Variants in SPDYA observed in about 807,000 individuals in gnomAD.
SPDYA encodes the protein speedy protein A.
Under a neutral mutation model 36.7 loss-of-function variants are expected in SPDYA, and 11 were observed. That is an observed-to-expected ratio of 0.30 (90% confidence interval 0.19 to 0.50). The LOEUF is 0.50. Ranked by LOEUF, SPDYA falls within the 20% of genes least tolerant of loss-of-function variation. The pLI is 0.98. For missense variants in SPDYA, 287 were observed against 370.9 expected (o/e 0.77, Z 1.86); for synonymous variants, 115 against 118.7 (o/e 0.97, Z 0.20).
At chr2:28,839,506 T>C (rs753668185) in intron 6 of SPDYA, among the ~76,000 whole-genome samples, 6 of 152,196 alleles carry the variant, frequency 3.9e-5, no homozygotes, top group Non-Finnish European at 7.3e-5. Flanking sequence ...TTTTTATTTT[T>C]ACTTTTATTT....
chr2:28,825,745 A>AT (rs574936704), intron 5 of SPDYA, among the ~76,000 whole-genome samples: 28 of 149,368 alleles, frequency 1.9e-4, no homozygotes, highest in Middle Eastern at 3.4e-3. Flanking sequence ...GAGGTTCTTA[A>AT]TTTTTTTTTT....
intron 6 of SPDYA, among the ~76,000 whole-genome samples, chr2:28,829,869 A>C (rs1419118809): frequency 6.8e-6 from 1 of 147,436 alleles, no homozygotes; most frequent in Non-Finnish European, 1.5e-5. Flanking sequence ...GTGTGAACCC[A>C]GGAGGCGGAG....
chr2:28,838,177 G>GTTTTT (rs1668658139), intron 6 of SPDYA, among the ~76,000 whole-genome samples: 1 of 90,736 alleles, frequency 1.1e-5, no homozygotes, highest in African/African-American at 4.1e-5. Flanking sequence ...AGAAGTAACG[G>GTTTTT]ATTTTTTTTT....
At chr2:28,819,756 A>G (rs1267320242) in intron 4 of SPDYA, among the ~76,000 whole-genome samples, 2 of 142,952 alleles carry the variant, frequency 1.4e-5, no homozygotes, top group East Asian at 4.2e-4. Context: ...GGCCAAGGCG[A>G]GAGGATCACT....
chr2:28,819,128 CAATT>C, intron 4 of SPDYA, 22 bp downstream of exon 4: 2 of 1,563,922 alleles, frequency 1.3e-6, no homozygotes. Context: ...AACAGTATAA[CAATT>C]AACCAGCATT....
chr2:28,840,475 AT>A lies in SPDYA; in HGVS notation c.850+9del. ...AGCTTATACTGGTTCTGAAGGTATG[AT>A]TTAGTAATATGCCAGAATTAGATTT... On this transcript the variant is annotated splice_region_variant and intron_variant, in intron 7 of 7. Transcript: ENST00000334056. The A allele has an allele frequency of 6.2e-7, 1 of 1,612,458 alleles. No homozygotes were observed.
Position 28,850,307 on chromosome 2 carries a change from T to C in SPDYA, c.*366T>C, listed in dbSNP as rs764855756. ...TTAAAAGAAAAAACACCATTTAATA[T>C]GTTCTGAAAACATTACTCACCTGTA... On this transcript the variant is annotated 3_prime_UTR_variant, in exon 8 of 8. Coordinates refer to ENST00000334056, the MANE Select transcript of SPDYA (RefSeq NM_182756.4). The C allele has an allele frequency of 1.9e-6, 3 of 1,603,648 alleles. No homozygotes were observed. Among genetic ancestry groups the C allele is most frequent in the Non-Finnish European group, 2.6e-6 (3 of 1,172,410 alleles).
chr2:28,823,721 AT>A lies in SPDYA; in HGVS notation c.380+1312del, dbSNP rs1668232667. On this transcript the variant is annotated intron_variant, in intron 5 of 7. Coordinates refer to ENST00000334056, the MANE Select transcript of SPDYA (RefSeq NM_182756.4). ...TGCATGAATATATATATATATATAT[AT>A]ATATATATATATATATATATATAAA... Among the ~76,000 whole-genome samples, 6 of 105,282 alleles carry A rather than the reference AT, an allele frequency of 5.7e-5. 1 individual carries two copies. The South Asian group carries it at 2.0e-3, about 36-fold the overall frequency. 69.1% of individuals were successfully genotyped at this position (105,282 alleles called of 152,430 possible).
At chr2:28,831,160 C>T (rs1394668177) in intron 6 of SPDYA, among the ~76,000 whole-genome samples, 1 of 152,036 alleles carries the variant, frequency 6.6e-6, no homozygotes, top group Admixed American at 6.6e-5. Flanking sequence ...AGTTCAAGAC[C>T]ATCCTGGGTA....
chr2:28,825,772 C>A (rs541245492), intron 5 of SPDYA, among the ~76,000 whole-genome samples: 1 of 152,148 alleles, frequency 6.6e-6, no homozygotes, highest in South Asian at 2.1e-4. Context: ...GGGTCTCACT[C>A]TGTCACCCAG....
rs1461347879 is a variant in SPDYA, at chr2:28,850,367, A to G, written c.*426A>G. 1.2e-6 allele frequency: 2 copies of G among 1,610,734 alleles called. No homozygotes were observed. The highest frequency in any genetic ancestry group is 8.5e-7 in the Non-Finnish European group (1 of 1,178,332). On this transcript the variant is annotated 3_prime_UTR_variant, in exon 8 of 8. Coordinates refer to ENST00000334056, the MANE Select transcript of SPDYA (RefSeq NM_182756.4). ...TGCCAGTGTACTGGTCTAGCAACAT[A>G]GGGAAATGATCCATATGGAAAATCA...
At chr2:28,843,479 G>A (rs895845930) in intron 7 of SPDYA, among the ~76,000 whole-genome samples, 6 of 151,720 alleles carry the variant, frequency 4.0e-5, no homozygotes, top group African/African-American at 1.2e-4. Context: ...GAACCTGGGA[G>A]GTGGAGGTTG....
At chr2:28,825,355 C>T (rs1287889731) in intron 5 of SPDYA, among the ~76,000 whole-genome samples, 1 of 151,936 alleles carries the variant, frequency 6.6e-6, no homozygotes, top group East Asian at 1.9e-4. Context: ...ACCAGTAGAG[C>T]ACTATTGAGT....
Position 28,816,268 on chromosome 2 carries a change from A to G in SPDYA, c.235+19A>G, listed in dbSNP as rs1667982005. The G allele has an allele frequency of 5.3e-6, 8 of 1,516,856 alleles. No homozygotes were observed. Among genetic ancestry groups the G allele is most frequent in the Non-Finnish European group, 6.3e-6 (7 of 1,114,798 alleles). 94.0% of individuals were successfully genotyped at this position (1,516,856 alleles called of 1,614,324 possible). A position where few individuals can be genotyped will look rare whatever the true frequency, so the allele number is the denominator to read the frequency against. On this transcript the variant is annotated intron_variant, in intron 3 of 7. Coordinates refer to ENST00000334056, the MANE Select transcript of SPDYA (RefSeq NM_182756.4). ...TTATTTGGTAGGTTTAAAATATTGT[A>G]ATAGTGGTAATTATAAAGTACTAAA...
At chr2:28,823,838 C>T (rs1327961671) in intron 5 of SPDYA, among the ~76,000 whole-genome samples, 24 of 141,020 alleles carry the variant, frequency 1.7e-4, no homozygotes, top group African/African-American at 5.2e-4. Context: ...CTCTGCCTCC[C>T]GGGTTCAAGC....
In SPDYA at chr2:28,819,820, TAAAAAA is replaced by T. The variant is rs1174507151; in HGVS notation, c.294+739_294+744del. Among the ~76,000 whole-genome samples the T allele has an allele frequency of 2.7e-3, 46 of 17,196 alleles. No homozygotes were observed. In the East Asian group the frequency reaches 0.034, roughly 13 times the overall value. The allele number at this position is 17,196 out of a possible 152,430, so 11.3% of individuals were successfully genotyped here. A position where few individuals can be genotyped will look rare whatever the true frequency, so the allele number is the denominator to read the frequency against. On this transcript the variant is annotated intron_variant, in intron 4 of 7. Coordinates refer to ENST00000334056, the MANE Select transcript of SPDYA (RefSeq NM_182756.4). ...GGCAACATAGGGAGACCTGGTCTCT[TAAAAAA>T]AAAAAAAAAAAAAAAAAAAAAAAAT... is the stretch of plus-strand genomic sequence containing the variant.
At chr2:28,820,685 A>G (rs1407597534) in intron 4 of SPDYA, among the ~76,000 whole-genome samples, 1 of 152,126 alleles carries the variant, frequency 6.6e-6, no homozygotes, top group Non-Finnish European at 1.5e-5. Flanking sequence ...AGCTTTGTAA[A>G]TGCCATTTTG....
chr2:28,848,576 T>C (rs1668944765), intron 7 of SPDYA, among the ~76,000 whole-genome samples: 1 of 152,254 alleles, frequency 6.6e-6, no homozygotes, highest in African/African-American at 2.4e-5. Context: ...TGTCAAGCTC[T>C]ATCATAGACT....
At chr2:28,841,822 A>G (rs1572515652) in intron 7 of SPDYA, among the ~76,000 whole-genome samples, 2 of 152,144 alleles carry the variant, frequency 1.3e-5, no homozygotes, top group African/African-American at 4.8e-5. Context: ...ACTTGAGGCC[A>G]GGAGTTTGAG....
Sources: allele counts gnomAD v4.1 joint callset (sites outside exome capture counted in the v4.1 genomes callset), GRCh38; gene constraint gnomAD v4.1.1; transcripts MANE v1.5; gene names NCBI Gene and HGNC (gene_info 2026-07-23, HGNC 2026-07-21).